RGMA: variants seen among roughly 807,000 people sequenced by gnomAD.
The protein encoded by RGMA is repulsive guidance molecule BMP co-receptor a, also known as repulsive guidance molecule A.
RGMA carries 10 observed loss-of-function variants against 23.2 expected under a neutral mutation model. That is an observed-to-expected ratio of 0.43 (90% confidence interval 0.27 to 0.73). RGMA has a LOEUF of 0.73. Among genes scored for constraint, RGMA ranks in the 30% least tolerant of loss-of-function variants. RGMA has a pLI of 0.20. For synonymous variants in RGMA, 308 were observed against 279.3 expected, an observed-to-expected ratio of 1.10 and a Z score of -1.03; for missense variants, 547 against 630.5, an observed-to-expected ratio of 0.87 and a Z score of 1.42.
At chr15:93,065,509 A>G in intron 2 of RGMA, 1 of 576,242 alleles carries the variant, frequency 1.7e-6, no homozygotes. Context: ...GGAACAGGGT[A>G]CTGGGTAGGG....
intron 3 of RGMA, among the ~76,000 whole-genome samples, chr15:93,049,995 TC>T (rs1399626614): frequency 6.6e-6 from 1 of 152,150 alleles, no homozygotes; most frequent in African/African-American, 2.4e-5. Flanking sequence ...GCTCTCCCAC[TC>T]CGCCTGCTTT....
intron 2 of RGMA, among the ~76,000 whole-genome samples, chr15:93,053,665 T>A (rs2054965232): frequency 6.6e-6 from 1 of 152,240 alleles, no homozygotes; most frequent in Non-Finnish European, 1.5e-5. Flanking sequence ...AGCAGCCTTG[T>A]GTGAACCCAG....
intron 1 of RGMA, among the ~76,000 whole-genome samples, chr15:93,077,453 G>T (rs1350968409): frequency 6.6e-6 from 1 of 152,184 alleles, no homozygotes; most frequent in Non-Finnish European, 1.5e-5. Context: ...CTGCTGGCAG[G>T]TGCACAGAAG....
At chr15:93,076,314 AG>A (rs11299294) in intron 1 of RGMA, among the ~76,000 whole-genome samples, 21,570 of 151,994 alleles carry the variant, frequency 0.14, 4,114 homozygotes, top group African/African-American at 0.44. Flanking sequence ...AAAGGGGTCA[AG>A]GGGCTTCTGA....
chr15:93,036,103 GGTTA>G lies in RGMA; in HGVS notation c.*8891_*8894del, dbSNP rs1454266622. 1.3e-5 allele frequency: 2 copies of G among 152,206 alleles called. No homozygotes were observed. The highest frequency in any genetic ancestry group is 2.9e-5 in the Non-Finnish European group (2 of 68,036). The allele number at this position is 152,206 out of a possible 1,614,324, so 9.4% of individuals were successfully genotyped here. On this transcript the variant is annotated 3_prime_UTR_variant, in exon 4 of 4. Transcript: ENST00000329082. ...ACACGTGTAATCACACATGTGACTC[GGTTA>G]GTGTCTGTCTCTCACCACTAGAGGT...
At chr15:93,059,816 A>G (rs541081686) in intron 2 of RGMA, among the ~76,000 whole-genome samples, 1 of 152,370 alleles carries the variant, frequency 6.6e-6, no homozygotes, top group African/African-American at 2.4e-5. Flanking sequence ...GAGATCTCAG[A>G]GAGGCCGATT....
intron 1 of RGMA, among the ~76,000 whole-genome samples, chr15:93,080,715 G>A (rs1895545187): frequency 6.6e-6 from 1 of 152,108 alleles, no homozygotes; most frequent in Non-Finnish European, 1.5e-5. Context: ...AGTTTCCATG[G>A]CCACCCTTCC....
chr15:93,083,899 G>A (rs1366001315), intron 1 of RGMA, among the ~76,000 whole-genome samples: 2 of 152,044 alleles, frequency 1.3e-5, no homozygotes, highest in Non-Finnish European at 2.9e-5. Context: ...TGCTTCCCTT[G>A]TATCAATAAA....
chr15:93,053,969 T>C (rs1008144322), intron 2 of RGMA, among the ~76,000 whole-genome samples: 43 of 152,328 alleles, frequency 2.8e-4, no homozygotes, highest in African/African-American at 1.0e-3. Context: ...AGCTCACGCC[T>C]GTAATCCCAG....
chr15:93,086,123 G>C (rs137906308), intron 1 of RGMA, among the ~76,000 whole-genome samples: 1 of 152,268 alleles, frequency 6.6e-6, no homozygotes, highest in African/African-American at 2.4e-5. Flanking sequence ...TTAAATTTAT[G>C]TTCAGTTAAG....
rs1358575774 is a variant in RGMA, at chr15:93,073,118, C to A, written c.15-87G>T. 1.4e-5 allele frequency: 19 copies of A among 1,351,706 alleles called. No individual in the cohort carries two copies. The East Asian group carries it at 6.0e-4, about 43-fold the overall frequency. The allele number at this position is 1,351,706 out of a possible 1,614,324, so 83.7% of individuals were successfully genotyped here. On this transcript the variant is annotated intron_variant, in intron 1 of 3. Coordinates refer to ENST00000329082, the MANE Select transcript of RGMA (RefSeq NM_020211.3). ...CGCTCCGCCGGCGGGAGCAGCGAGC[C>A]GGGAGGCTCCGTCCACCTCGGCCGC...
chr15:93,072,932 G>A lies in RGMA; in HGVS notation c.114C>T (p.Leu38=). The change falls in exon 2 of 4, where the codon CTC becomes CTT. Residue 38 remains leucine (L), a synonymous_variant. Transcript: ENST00000329082. ...LGFWPTLAFL[L]CSFPAATSPC... ...GTGCCTTACCTGCGGGGAAGCTGCA[G>A]AGAAGGAAGGCGAGGGTCGGCCAGA... is the stretch of plus-strand genomic sequence containing the variant. 2 of 1,607,146 alleles carry A rather than the reference G, an allele frequency of 1.2e-6. No individual in the cohort carries two copies. The highest frequency in any genetic ancestry group is 2.2e-5 in the South Asian group (2 of 89,442).
At chr15:93,055,093 G>A (rs1446704528) in intron 2 of RGMA, among the ~76,000 whole-genome samples, 2 of 152,116 alleles carry the variant, frequency 1.3e-5, no homozygotes, top group East Asian at 1.9e-4. Context: ...AATTCCAGGG[G>A]CCCGGTGTGC....
chr15:93,071,937 A>G (rs1596102734), intron 2 of RGMA, among the ~76,000 whole-genome samples: 1 of 152,206 alleles, frequency 6.6e-6, no homozygotes, highest in Admixed American at 6.5e-5. Context: ...CGGGGGGGCC[A>G]TTTGGCCCGT....
In RGMA at chr15:93,036,226, C is replaced by G. The variant is rs1240019738; in HGVS notation, c.*8772G>C. ...CCCAGCTCATCACGGGGCCTCATGACGTATTTGTTGAATGCCTGAATGTGC... is the reference window on the plus strand; with the variant it reads ...CCCAGCTCATCACGGGGCCTCATGAGGTATTTGTTGAATGCCTGAATGTGC... On this transcript the variant is annotated 3_prime_UTR_variant, in exon 4 of 4. Coordinates refer to ENST00000329082, the MANE Select transcript of RGMA (RefSeq NM_020211.3). The G allele has an allele frequency of 6.6e-6, 1 of 152,210 alleles. No homozygotes were observed. The highest frequency in any genetic ancestry group is 1.5e-5 in the Non-Finnish European group (1 of 68,042). The allele number at this position is 152,210 out of a possible 1,614,324, so 9.4% of individuals were successfully genotyped here.
chr15:93,061,709 C>T (rs542330483), intron 2 of RGMA, among the ~76,000 whole-genome samples: 2 of 152,312 alleles, frequency 1.3e-5, no homozygotes, highest in Admixed American at 6.5e-5. Context: ...GGGGAGGGCG[C>T]TTGGAGCACC....
At chr15:93,069,132 C>T (rs560762677) in intron 2 of RGMA, among the ~76,000 whole-genome samples, 4 of 152,052 alleles carry the variant, frequency 2.6e-5, no homozygotes, top group East Asian at 3.9e-4. Flanking sequence ...TTTTTTGAGA[C>T]GGAGTTTCAT....
At chr15:93,075,825 T>TC (rs80323298) in intron 1 of RGMA, among the ~76,000 whole-genome samples, 17 of 151,982 alleles carry the variant, frequency 1.1e-4, no homozygotes, top group Non-Finnish European at 7.4e-5. Flanking sequence ...AGGCTTTTTT[T>TC]CCCCCCCTTT....
chr15:93,088,662 T>G (rs1408229076), intron 1 of RGMA: 1 of 956,978 alleles, frequency 1.0e-6, no homozygotes, highest in Non-Finnish European at 1.4e-6. Flanking sequence ...GTGCCGGGTC[T>G]GCCCAACCAC....
Sources: gnomAD v4.1 joint callset for allele counts (sites outside exome capture counted in the v4.1 genomes callset) on GRCh38, gnomAD v4.1.1 for gene constraint, MANE v1.5 for transcripts, NCBI Gene and HGNC (gene_info 2026-07-23, HGNC 2026-07-21) for gene names.